The following ANGPT2 variants were observed in gnomAD, a reference collection of about 807,000 sequenced individuals.
The protein encoded by ANGPT2 is angiopoietin 2, also known as angiopoietin-2.
A neutral mutation model predicts 62.9 loss-of-function variants in ANGPT2; 28 were observed. That is an observed-to-expected ratio of 0.44 (90% CI 0.33 to 0.61). The LOEUF is 0.61. Ranked by LOEUF, ANGPT2 falls within the 20% of genes least tolerant of loss-of-function variation. The pLI is 0.03. For missense variants in ANGPT2, 727 were observed against 594.9 expected (o/e 1.22, Z -2.31); for synonymous variants, 284 against 207.8 (o/e 1.37, Z -3.15).
At position 6,526,835 on chromosome 8, in the gene ANGPT2, C is replaced by G. The variant is rs189359760; in HGVS notation, c.566+720G>C. Among the ~76,000 whole-genome samples, 293 of 152,194 alleles carry G rather than the reference C, an allele frequency of 1.9e-3. 7 individuals carry two copies. In the South Asian group the frequency reaches 0.034, roughly 18 times the overall value. ...GTGCATAAAATTATCCTCTTTTGTC[C>G]CAAGTGGAACAGACATATGAAAACA... On this transcript the variant is annotated intron_variant, in intron 3 of 8. Coordinates refer to ENST00000629816, the MANE Select transcript of ANGPT2 (RefSeq NM_001118887.2).
chr8:6,552,932 T>C (rs1823913303), intron 1 of ANGPT2, among the ~76,000 whole-genome samples: 1 of 152,094 alleles, frequency 6.6e-6, no homozygotes, highest in Admixed American at 6.6e-5. Flanking sequence ...AGTAAAAGGA[T>C]CAGGGTTTGC....
chr8:6,511,789 T>C (rs1815160389), intron 7 of ANGPT2, among the ~76,000 whole-genome samples: 1 of 152,230 alleles, frequency 6.6e-6, no homozygotes, highest in South Asian at 2.1e-4. Context: ...AAATATCTGT[T>C]AAGAACCATC....
chr8:6,526,518 T>C (rs1818380241), intron 3 of ANGPT2, among the ~76,000 whole-genome samples: 1 of 152,140 alleles, frequency 6.6e-6, no homozygotes, highest in Non-Finnish European at 1.5e-5. Flanking sequence ...TTACTGTTTG[T>C]AGAGGAGAAA....
At chr8:6,547,834 T>C (rs1057066839) in intron 1 of ANGPT2, among the ~76,000 whole-genome samples, 3 of 151,220 alleles carry the variant, frequency 2.0e-5, no homozygotes, top group Non-Finnish European at 4.4e-5. Context: ...GTGGCAGAGG[T>C]TTTCCTATTG....
At chr8:6,510,663 A>G (rs1814877261) in intron 7 of ANGPT2, among the ~76,000 whole-genome samples, 1 of 152,170 alleles carries the variant, frequency 6.6e-6, no homozygotes, top group Admixed American at 6.5e-5. Context: ...TAAGTCATGG[A>G]GGTAGGATTT....
chr8:6,530,864 T>TA (rs1819369778), intron 2 of ANGPT2, among the ~76,000 whole-genome samples: 1 of 152,224 alleles, frequency 6.6e-6, no homozygotes, highest in African/African-American at 2.4e-5. Flanking sequence ...GAATGAGTCT[T>TA]ACGAGAGTGG....
intron 3 of ANGPT2, among the ~76,000 whole-genome samples, chr8:6,522,698 C>T (rs371571240): frequency 4.4e-4 from 66 of 151,274 alleles, no homozygotes; most frequent in African/African-American, 1.2e-3. Context: ...TGCTTGAACC[C>T]GGGAGGTGGA....
chr8:6,513,948 G>T (rs2129567646), intron 6 of ANGPT2, 104 bp from the exon 7 acceptor site: 1 of 1,137,838 alleles, frequency 8.8e-7, no homozygotes, highest in Non-Finnish European at 1.2e-6. Flanking sequence ...TCAAATAGCA[G>T]AAATTCCTTC....
At chr8:6,538,334 G>A (rs1172300519) in intron 1 of ANGPT2, among the ~76,000 whole-genome samples, 2 of 152,138 alleles carry the variant, frequency 1.3e-5, no homozygotes, top group Non-Finnish European at 2.9e-5. Flanking sequence ...AGGGTCCACT[G>A]TCCTCTCTGT....
intron 1 of ANGPT2, among the ~76,000 whole-genome samples, chr8:6,541,041 C>T (rs1821461562): frequency 6.9e-6 from 1 of 145,366 alleles, no homozygotes; most frequent in Non-Finnish European, 1.5e-5. Flanking sequence ...GCCGAGGAGG[C>T]TCTCATGGGT....
chr8:6,505,259 G>GAA (rs1563305235), intron 8 of ANGPT2, among the ~76,000 whole-genome samples: 30 of 20,384 alleles, frequency 1.5e-3, no homozygotes, highest in East Asian at 0.015. Context: ...CTTTATATAT[G>GAA]TTTTATATAT....
intron 1 of ANGPT2, among the ~76,000 whole-genome samples, chr8:6,559,448 A>C (rs1245724103): frequency 1.3e-5 from 2 of 152,244 alleles, no homozygotes; most frequent in East Asian, 3.8e-4. Context: ...TTTTAAAGAA[A>C]GAAAAGGATT....
intron 1 of ANGPT2, among the ~76,000 whole-genome samples, chr8:6,562,290 C>A (rs1025138756): frequency 1.3e-5 from 2 of 152,044 alleles, no homozygotes; most frequent in African/African-American, 2.4e-5. Context: ...TGAGAGCCTC[C>A]CTGGTGATGG....
chr8:6,562,745 C>T lies in ANGPT2; in HGVS notation c.190G>A (p.Ala64Thr), dbSNP rs1258471583. ...TCGAGCGGCGCGTCCCTCTGCACAG[C>T]ATTGGACACGTAGGGGCTGGAGGAA... is the stretch of plus-strand genomic sequence containing the variant. The part of the protein sequence containing the change: ...RSSSSPYVSN[A>T]VQRDAPLEYD... The change falls in exon 1 of 9, where the codon GCT (alanine) becomes ACT (threonine). Residue 64 changes from alanine to threonine, a missense_variant. Coordinates refer to ENST00000629816, the MANE Select transcript of ANGPT2 (RefSeq NM_001118887.2). 2 of 1,613,894 alleles carry T rather than the reference C, an allele frequency of 1.2e-6. No homozygotes were observed. The highest frequency in any genetic ancestry group is 1.7e-6 in the Non-Finnish European group (2 of 1,179,996).
At chr8:6,534,103 G>A (rs1820057010) in intron 1 of ANGPT2, among the ~76,000 whole-genome samples, 1 of 152,058 alleles carries the variant, frequency 6.6e-6, no homozygotes, top group Admixed American at 6.5e-5. Flanking sequence ...GTTCTCCCGT[G>A]GATATTGGAT....
chr8:6,523,874 A>G (rs991588971), intron 3 of ANGPT2, among the ~76,000 whole-genome samples: 59 of 146,296 alleles, frequency 4.0e-4, no homozygotes, highest in African/African-American at 1.4e-3. Context: ...GGCATGAGCC[A>G]CCGTGCCTGG....
At chr8:6,516,443 T>G (rs181428921) in intron 5 of ANGPT2, among the ~76,000 whole-genome samples, 12 of 152,062 alleles carry the variant, frequency 7.9e-5, no homozygotes, top group Admixed American at 7.9e-4. Context: ...TCCTGTTATG[T>G]TTTTTTTCCA....
chr8:6,532,570 TC>T, intron 1 of ANGPT2, 83 bp from the exon 2 acceptor site: 1 of 761,796 alleles, frequency 1.3e-6, no homozygotes, highest in Non-Finnish European at 1.8e-6. Context: ...CTCCTCCCTA[TC>T]TTTAAAAAAA....
At chr8:6,510,667 A>T (rs555130705) in intron 7 of ANGPT2, among the ~76,000 whole-genome samples, 1 of 152,308 alleles carries the variant, frequency 6.6e-6, no homozygotes, top group East Asian at 1.9e-4. Flanking sequence ...TCATGGAGGT[A>T]GGATTTGCAC....
Sources: allele counts gnomAD v4.1 joint callset (sites outside exome capture counted in the v4.1 genomes callset), GRCh38; gene constraint gnomAD v4.1.1; transcripts MANE v1.5; gene names NCBI Gene and HGNC (gene_info 2026-07-23, HGNC 2026-07-21).